Variants in CNTNAP2 observed in about 807,000 individuals in gnomAD.
The protein encoded by CNTNAP2 is contactin-associated protein-like 2.
A neutral mutation model predicts 155.2 loss-of-function variants in CNTNAP2; 98 were observed. That is an observed-to-expected ratio of 0.63 (90% CI 0.54 to 0.75). The LOEUF (loss-of-function observed/expected upper bound fraction) is 0.75, where lower values mean the gene tolerates loss of function less well. Ranked by LOEUF, CNTNAP2 falls within the 30% of genes least tolerant of loss-of-function variation. The probability of loss-of-function intolerance (pLI) is 0.00; values close to 1 mark genes in which losing one functional copy is unlikely to be tolerated. For synonymous variants in CNTNAP2, 651 were observed against 631.2 expected, an observed-to-expected ratio of 1.03 and a Z score of -0.47; for missense variants, 1,727 against 1,688.1, an observed-to-expected ratio of 1.02 and a Z score of -0.40.
At chr7:148,229,518 G>A (rs1039797857) in intron 19 of CNTNAP2, 128 bp from the exon 20 acceptor site, 36 of 1,288,006 alleles carry the variant, frequency 2.8e-5, no homozygotes, top group Middle Eastern at 2.3e-4. Flanking sequence ...GCAAGACTCC[G>A]TCAAAAAAAA....
At chr7:148,106,493 G>GAGAGATATATATATATAT (rs1554472856) in intron 15 of CNTNAP2, among the ~76,000 whole-genome samples, 6 of 124,924 alleles carry the variant, frequency 4.8e-5, no homozygotes, top group Admixed American at 1.6e-4. Flanking sequence ...CACACTTTGA[G>GAGAGATATATATATATAT]ATATATATAT....
rs115745002 is a variant in CNTNAP2, at chr7:146,865,597, G to A, written c.402+25693G>A. On this transcript the variant is annotated intron_variant, in intron 3 of 23. Transcript: ENST00000361727. ...GGTGTTAGAAAATGATATCCATATG[G>A]AGAAAATGAACACTGCTGCTTCACA... is the stretch of plus-strand genomic sequence containing the variant. Among the ~76,000 whole-genome samples the A allele has an allele frequency of 8.2e-3, 1,245 of 152,138 alleles. 13 individuals are homozygous for A. Among genetic ancestry groups the A allele is most frequent in the African/African-American group, 0.028 (1,183 of 41,534 alleles).
chr7:148,164,615 T>G (rs977658449), intron 17 of CNTNAP2, among the ~76,000 whole-genome samples: 2 of 119,670 alleles, frequency 1.7e-5, no homozygotes, highest in Non-Finnish European at 3.4e-5. Flanking sequence ...CTCTCTCTTT[T>G]TTTTTTTTTT....
At chr7:147,517,771 G>A in intron 11 of CNTNAP2, among the ~76,000 whole-genome samples, 1 of 152,164 alleles carries the variant, frequency 6.6e-6, no homozygotes, top group African/African-American at 2.4e-5. Context: ...GTCCTTAAAA[G>A]GGACTTTTAA....
intron 2 of CNTNAP2, among the ~76,000 whole-genome samples, chr7:146,801,049 T>C (rs1802868182): frequency 6.6e-6 from 1 of 152,158 alleles, no homozygotes; most frequent in Non-Finnish European, 1.5e-5. Context: ...GGGTAATTTA[T>C]AAAGAAAAGA....
intron 4 of CNTNAP2, among the ~76,000 whole-genome samples, chr7:147,044,460 A>G (rs895649009): frequency 6.6e-5 from 10 of 152,080 alleles, no homozygotes; most frequent in African/African-American, 2.4e-4. Flanking sequence ...ATTTCGAAGA[A>G]CTTCCTTCGG....
intron 15 of CNTNAP2, among the ~76,000 whole-genome samples, chr7:148,047,774 A>G (rs1375096809): frequency 6.6e-6 from 1 of 152,220 alleles, no homozygotes; most frequent in Non-Finnish European, 1.5e-5. Context: ...AAATTTCAAC[A>G]AGTAGATGAG....
intron 12 of CNTNAP2, among the ~76,000 whole-genome samples, chr7:147,592,118 G>A (rs1800745551): frequency 6.6e-6 from 1 of 152,180 alleles, no homozygotes; most frequent in Non-Finnish European, 1.5e-5. Flanking sequence ...CCTGTGAACA[G>A]GGACTGTGTC....
At chr7:147,601,979 G>T (rs1800955793) in intron 12 of CNTNAP2, among the ~76,000 whole-genome samples, 1 of 151,968 alleles carries the variant, frequency 6.6e-6, no homozygotes, top group South Asian at 2.1e-4. Context: ...CTTCCCAGTG[G>T]TATGGTCTAG....
intron 2 of CNTNAP2, among the ~76,000 whole-genome samples, chr7:146,789,286 A>G (rs1802630932): frequency 6.6e-6 from 1 of 152,188 alleles, no homozygotes; most frequent in African/African-American, 2.4e-5. Context: ...AAAAATTTGA[A>G]TAATATTTGA....
chr7:147,443,510 G>C (rs760080157), intron 10 of CNTNAP2, among the ~76,000 whole-genome samples: 4 of 152,086 alleles, frequency 2.6e-5, no homozygotes, highest in Non-Finnish European at 4.4e-5. Context: ...TTAAAATCCA[G>C]CACTGCGAGT....
intron 18 of CNTNAP2, among the ~76,000 whole-genome samples, chr7:148,203,983 G>T (rs1350986013): frequency 8.5e-5 from 13 of 152,166 alleles, no homozygotes; most frequent in Non-Finnish European, 4.4e-5. Context: ...AGAACTACCT[G>T]CTAAGAGTCC....
At chr7:147,388,665 C>T (rs568801707) in intron 9 of CNTNAP2, among the ~76,000 whole-genome samples, 1 of 152,116 alleles carries the variant, frequency 6.6e-6, no homozygotes, top group Admixed American at 6.6e-5. Flanking sequence ...ACTGCAACCT[C>T]CACCTCCCAA....
chr7:147,688,069 T>C (rs1796038890), intron 13 of CNTNAP2, among the ~76,000 whole-genome samples: 2 of 152,174 alleles, frequency 1.3e-5, no homozygotes, highest in East Asian at 3.9e-4. Context: ...TCAATCATGA[T>C]GCGGAAGAGG....
At chr7:146,920,423 A>G (rs1396411552) in intron 3 of CNTNAP2, among the ~76,000 whole-genome samples, 2 of 152,148 alleles carry the variant, frequency 1.3e-5, no homozygotes, top group African/African-American at 2.4e-5. Flanking sequence ...TTAAAAAAAA[A>G]AAGTCAAATA....
rs1337746740 is a variant in CNTNAP2, at chr7:147,218,558, A to AT, written c.1349-81576dup. Among the ~76,000 whole-genome samples, 8 of 111,976 alleles carry AT rather than the reference A, an allele frequency of 7.1e-5. No individual in the cohort carries two copies. The South Asian group carries it at 1.7e-3, about 24-fold the overall frequency. The allele number at this position is 111,976 out of a possible 152,430, so 73.5% of individuals were successfully genotyped here. The stretch of plus-strand genomic sequence containing the variant: ...CCATGTATTTTAGGATCTTCCAGCT[A>AT]TTTTTTTCTGTTTTTTTTTTCTTGT... On this transcript the variant is annotated intron_variant, in intron 8 of 23. Transcript: ENST00000361727.
chr7:148,384,080 A>G (rs1465179134), intron 22 of CNTNAP2, among the ~76,000 whole-genome samples, 192 bp downstream of exon 22: 2 of 152,242 alleles, frequency 1.3e-5, no homozygotes, highest in Admixed American at 1.3e-4. Flanking sequence ...AGGGCCAGAA[A>G]TAAATAAGTT....
intron 18 of CNTNAP2, among the ~76,000 whole-genome samples, chr7:148,197,786 AC>A (rs1181455483): frequency 6.6e-6 from 1 of 152,194 alleles, no homozygotes. Flanking sequence ...GCCTCTTGAA[AC>A]CAAATTTAAT....
chr7:147,212,381 T>C (rs1251546107), intron 8 of CNTNAP2, among the ~76,000 whole-genome samples: 1 of 152,166 alleles, frequency 6.6e-6, no homozygotes, highest in Non-Finnish European at 1.5e-5. Context: ...GTATGGTACA[T>C]GTACACCATG....
Sources: allele counts gnomAD v4.1 joint callset (sites outside exome capture counted in the v4.1 genomes callset), GRCh38; gene constraint gnomAD v4.1.1; transcripts MANE v1.5; gene names NCBI Gene and HGNC (gene_info 2026-07-23, HGNC 2026-07-21).